DPP6: variants seen among roughly 807,000 people sequenced by gnomAD.
The protein encoded by DPP6 is A-type potassium channel modulatory protein DPP6.
Under a neutral mutation model 122.6 loss-of-function variants are expected in DPP6, and 69 were observed. The ratio of observed to expected loss-of-function variants is 0.56; its 90% CI spans 0.46 to 0.69. The LOEUF (loss-of-function observed/expected upper bound fraction) is 0.69. DPP6 is among the 30% of genes least tolerant of loss of function. The pLI, the probability that DPP6 is intolerant of heterozygous loss-of-function variation, is 0.00. For missense variants in DPP6, 928 were observed against 1,116.9 expected (o/e 0.83, Z 2.41); for synonymous variants, 418 against 433.1 (o/e 0.97, Z 0.43).
intron 7 of DPP6, among the ~76,000 whole-genome samples, chr7:154,682,394 C>G (rs544764371): frequency 6.6e-6 from 1 of 152,370 alleles, no homozygotes; most frequent in Admixed American, 6.5e-5. Flanking sequence ...TCTTGTCCCA[C>G]TAGGACACCG....
At chr7:154,153,973 G>A (rs953101465) in intron 1 of DPP6, among the ~76,000 whole-genome samples, 8 of 152,298 alleles carry the variant, frequency 5.3e-5, no homozygotes, top group African/African-American at 1.9e-4. Flanking sequence ...TTTAGCCATA[G>A]TTCAATTAGC....
At chr7:154,142,433 C>T (rs1795892192) in intron 1 of DPP6, among the ~76,000 whole-genome samples, 1 of 152,106 alleles carries the variant, frequency 6.6e-6, no homozygotes, top group Admixed American at 6.6e-5. Flanking sequence ...TACGTCCCCC[C>T]AAATATGTGC....
intron 7 of DPP6, among the ~76,000 whole-genome samples, chr7:154,700,206 G>A (rs1840440760): frequency 6.6e-6 from 1 of 152,166 alleles, no homozygotes; most frequent in Non-Finnish European, 1.5e-5. Flanking sequence ...TACTATTTTT[G>A]GATTCATTGG....
At chr7:154,351,392 G>A (rs1810843222) in intron 1 of DPP6, among the ~76,000 whole-genome samples, 1 of 152,162 alleles carries the variant, frequency 6.6e-6, no homozygotes, top group South Asian at 2.1e-4. Context: ...AAACAGTGGG[G>A]AGGCCTTGGT....
intron 1 of DPP6, among the ~76,000 whole-genome samples, chr7:154,077,276 T>C (rs75903675): frequency 3.3e-5 from 5 of 152,080 alleles, no homozygotes; most frequent in Admixed American, 6.5e-5. Flanking sequence ...CAGTACTCCA[T>C]AGACACCATA....
At chr7:154,860,860 C>T (rs925602562) in intron 17 of DPP6, among the ~76,000 whole-genome samples, 4 of 152,220 alleles carry the variant, frequency 2.6e-5, no homozygotes, top group Non-Finnish European at 5.9e-5. Context: ...CGTGGAGCCA[C>T]CACCAAGGTT....
the DPP6 span, among the ~76,000 whole-genome samples, chr7:153,830,229 G>A: frequency 1.3e-5 from 2 of 152,124 alleles, no homozygotes; most frequent in Non-Finnish European, 2.9e-5. Context: ...AGTTTTCATT[G>A]TTAGCCAAAA....
intron 6 of DPP6, among the ~76,000 whole-genome samples, chr7:154,653,257 G>C (rs1308157513): frequency 6.6e-6 from 1 of 152,238 alleles, no homozygotes; most frequent in Non-Finnish European, 1.5e-5. Flanking sequence ...GGGAGACCAA[G>C]GTAGGAGGAT....
At chr7:153,932,723 A>G (rs1366765133) in intron 1 of DPP6, among the ~76,000 whole-genome samples, 1 of 152,174 alleles carries the variant, frequency 6.6e-6, no homozygotes, top group Non-Finnish European at 1.5e-5. Context: ...ATAACATTCA[A>G]TGAACTTTGC....
intron 5 of DPP6, among the ~76,000 whole-genome samples, chr7:154,622,600 G>A (rs1834764361): frequency 6.6e-6 from 1 of 152,150 alleles, no homozygotes; most frequent in Non-Finnish European, 1.5e-5. Flanking sequence ...GAGCAAGAAA[G>A]ACTATGTCTA....
chr7:153,894,243 C>T lies in DPP6; in HGVS notation c.51+6509C>T, dbSNP rs771202453. ...TTTTGCAGAGGTAAATACATTTAGT[C>T]CAGATCATTTTAAAATTTTCTGTTT... On this transcript the variant is annotated intron_variant, in intron 1 of 25. Transcript: ENST00000404039. Among the ~76,000 whole-genome samples the T allele has an allele frequency of 2.4e-4, 36 of 152,204 alleles. 1 individual carries two copies. The highest frequency in any genetic ancestry group is 4.6e-4 in the Non-Finnish European group (31 of 68,014).
chr7:154,662,247 A>G (rs1429182083), intron 6 of DPP6, among the ~76,000 whole-genome samples: 104 of 121,312 alleles, frequency 8.6e-4, no homozygotes, highest in Middle Eastern at 8.9e-3. Context: ...ATGGCGTATT[A>G]GCCATAGTGT....
chr7:154,810,272 G>T (rs1798966213), intron 16 of DPP6, among the ~76,000 whole-genome samples: 1 of 152,322 alleles, frequency 6.6e-6, no homozygotes, highest in East Asian at 1.9e-4. Flanking sequence ...TTATGGTTCA[G>T]TTTCCATAAG....
intron 1 of DPP6, among the ~76,000 whole-genome samples, chr7:154,258,389 A>C (rs1164534667): frequency 6.6e-6 from 1 of 152,214 alleles, no homozygotes; most frequent in Non-Finnish European, 1.5e-5. Context: ...AGTGAGATTT[A>C]TGCTCCCCAC....
chr7:154,410,405 T>C (rs1816496768), intron 1 of DPP6, among the ~76,000 whole-genome samples: 1 of 152,266 alleles, frequency 6.6e-6, no homozygotes, highest in African/African-American at 2.4e-5. Flanking sequence ...GGGATTAAAA[T>C]ATTTCCGATT....
At chr7:154,558,309 CAAAAT>C (rs1292638816) in intron 4 of DPP6, among the ~76,000 whole-genome samples, 1 of 152,090 alleles carries the variant, frequency 6.6e-6, no homozygotes. Flanking sequence ...AAAGGCAGAA[CAAAAT>C]AAAACTCCAA....
chr7:154,773,546 T>G (rs1249160524), intron 10 of DPP6, among the ~76,000 whole-genome samples: 2 of 152,152 alleles, frequency 1.3e-5, no homozygotes, highest in Non-Finnish European at 2.9e-5. Flanking sequence ...TGGGGAATGA[T>G]TATACTTCCA....
At chr7:154,023,066 A>T (rs1223691111) in intron 1 of DPP6, among the ~76,000 whole-genome samples, 2 of 151,968 alleles carry the variant, frequency 1.3e-5, no homozygotes, top group Non-Finnish European at 2.9e-5. Context: ...TGACCTCTGG[A>T]TCCATCATGC....
At chr7:154,152,083 G>C (rs1342992754) in intron 1 of DPP6, among the ~76,000 whole-genome samples, 11 of 150,278 alleles carry the variant, frequency 7.3e-5, no homozygotes, top group East Asian at 1.9e-4. Context: ...ACTCTTTTAT[G>C]CCTTGGTGCA....
Sources: gnomAD v4.1 joint callset for allele counts (sites outside exome capture counted in the v4.1 genomes callset) on GRCh38, gnomAD v4.1.1 for gene constraint, MANE v1.5 for transcripts, NCBI Gene and HGNC (gene_info 2026-07-23, HGNC 2026-07-21) for gene names.